Variants in HYDIN observed in about 807,000 individuals in gnomAD.
The protein encoded by HYDIN is axonemal central pair apparatus protein HYDIN.
In HYDIN, 132 loss-of-function variants were observed where a neutral mutation model predicts 403.9. The ratio of observed to expected loss-of-function variants is 0.33; its 90% CI spans 0.28 to 0.38. HYDIN has a LOEUF of 0.38. Ranked by LOEUF, HYDIN falls within the 10% of genes least tolerant of loss-of-function variation. The pLI is 1.00. For missense variants in HYDIN, 2,827 were observed against 5,009.5 expected, an observed-to-expected ratio of 0.56 and a Z score of 13.15; for synonymous variants, 1,202 against 1,891.7, an observed-to-expected ratio of 0.64 and a Z score of 9.46.
chr16:70,906,078 G>T (rs1448215340), intron 50 of HYDIN, among the ~76,000 whole-genome samples: 2 of 150,852 alleles, frequency 1.3e-5, no homozygotes, highest in Admixed American at 1.3e-4. Flanking sequence ...ATTGAATGAA[G>T]ACATGGTGGA....
chr16:70,837,398 A>C (rs1486483580), intron 77 of HYDIN, among the ~76,000 whole-genome samples: 1 of 152,202 alleles, frequency 6.6e-6, no homozygotes, highest in Non-Finnish European at 1.5e-5. Context: ...TGAAAGTCTC[A>C]AATTTCTCCA....
At chr16:71,130,551 A>C (rs1208343546) in intron 8 of HYDIN, among the ~76,000 whole-genome samples, 1 of 136,322 alleles carries the variant, frequency 7.3e-6, no homozygotes, top group Non-Finnish European at 1.5e-5. Context: ...GCAGTGGCGC[A>C]ATCTCGGCTC....
Position 70,850,553 on chromosome 16 carries a change from G to A in HYDIN, c.12546C>T (p.Val4182=). ...CATTCATAGTGTAGCCCTCGGCCTT[G>A]ACATTTAATGTCACAGGGTGGACTT... ...EKKVHPVTLN[V]KAEGYTMNVE... The change falls in exon 74 of 86, where the codon GTC becomes GTT. Residue 4182 remains valine, a synonymous_variant. Coordinates refer to ENST00000393567, the MANE Select transcript of HYDIN (RefSeq NM_001270974.2). 1 of 1,612,846 alleles carries A rather than the reference G, an allele frequency of 6.2e-7. No individual in the cohort carries two copies. The highest frequency in any genetic ancestry group is 8.5e-7 in the Non-Finnish European group (1 of 1,179,584).
intron 10 of HYDIN, among the ~76,000 whole-genome samples, chr16:71,099,010 A>G (rs2083376403): frequency 1.3e-5 from 2 of 150,974 alleles, no homozygotes; most frequent in African/African-American, 4.9e-5. Context: ...AGCATGGAGG[A>G]ACTAGTAAAC....
chr16:70,883,014 G>A, intron 59 of HYDIN, 119 bp from the exon 60 acceptor site: 2 of 766,708 alleles, frequency 2.6e-6, no homozygotes, highest in South Asian at 1.6e-5. Context: ...CATAGGCGAA[G>A]TCATGCAAGG....
intron 41 of HYDIN, among the ~76,000 whole-genome samples, chr16:70,944,597 G>T (rs530596261): frequency 6.6e-6 from 1 of 152,266 alleles, no homozygotes; most frequent in South Asian, 2.1e-4. Context: ...AGTGAGCAAT[G>T]GGGAAGACAG....
chr16:71,221,254 T>C (rs1381527567), intron 1 of HYDIN, among the ~76,000 whole-genome samples: 4 of 136,826 alleles, frequency 2.9e-5, no homozygotes, highest in East Asian at 2.1e-4. Flanking sequence ...GAGAAAGGTA[T>C]AAAGAAAAAA....
At chr16:70,992,625 A>G (rs1232546768) in intron 23 of HYDIN, among the ~76,000 whole-genome samples, 6 of 149,294 alleles carry the variant, frequency 4.0e-5, no homozygotes, top group Admixed American at 2.7e-4. Context: ...TTCACCAGAA[A>G]GCAGGGCTAA....
Position 70,868,790 on chromosome 16 carries a change from T to C in HYDIN, c.11092-2A>G. On this transcript the variant is annotated splice_acceptor_variant, in intron 65 of 85. Coordinates refer to ENST00000393567, the MANE Select transcript of HYDIN (RefSeq NM_001270974.2). LOFTEE classifies it high-confidence loss of function. ...ACACCCAGGGTGGAGGTGGCCCATC[T>C]AGGAAAGAGCCTGGTATTAGTATTT... The C allele has an allele frequency of 6.2e-7, 1 of 1,612,952 alleles. No homozygotes were observed. The highest frequency in any genetic ancestry group is 8.5e-7 in the Non-Finnish European group (1 of 1,179,526).
chr16:70,921,509 T>A (rs1013194086), intron 45 of HYDIN, among the ~76,000 whole-genome samples: 2 of 152,166 alleles, frequency 1.3e-5, no homozygotes, highest in African/African-American at 4.8e-5. Flanking sequence ...GCTGCTGTTC[T>A]GCAGGATCAA....
At chr16:71,201,481 C>G (rs1416620420) in intron 1 of HYDIN, among the ~76,000 whole-genome samples, 2 of 152,188 alleles carry the variant, frequency 1.3e-5, no homozygotes, top group Admixed American at 6.5e-5. Context: ...TCACTCCAAT[C>G]CAGGAGTGGC....
chr16:70,811,677 G>T (rs1399035175), intron 84 of HYDIN, among the ~76,000 whole-genome samples: 28 of 151,274 alleles, frequency 1.9e-4, no homozygotes, highest in Non-Finnish European at 4.4e-5. Flanking sequence ...GACCAACATG[G>T]AGAAACCCCG....
In HYDIN at chr16:70,892,471, G is replaced by T. The variant is rs1328203792; in HGVS notation, c.9307C>A (p.Gln3103Lys). Residue 3103 changes from glutamine (Q) to lysine (K), a missense_variant, in exon 56 of 86, where the codon CAA becomes AAA. Coordinates refer to ENST00000393567, the MANE Select transcript of HYDIN (RefSeq NM_001270974.2). Reference sequence around the variant, plus strand: ...GGGGTCAGTGAACCCTTTTTGGGTTGGACTGAGATCATGGAATTTATATTA... The same window carrying T: ...GGGGTCAGTGAACCCTTTTTGGGTTTGACTGAGATCATGGAATTTATATTA... ...TPNINSMISV[Q>K]PKKGSLTPTE... 10 of 1,596,552 alleles carry T rather than the reference G, an allele frequency of 6.3e-6. No individual in the cohort carries two copies. Among genetic ancestry groups the T allele is most frequent in the South Asian group, 1.1e-5 (1 of 88,078 alleles).
intron 8 of HYDIN, among the ~76,000 whole-genome samples, chr16:71,130,477 T>TC (rs144132102): frequency 1.5e-5 from 2 of 129,446 alleles, no homozygotes; most frequent in African/African-American, 3.0e-5. Context: ...CCGGTTTTTT[T>TC]TTTTTTTTTT....
rs1348678590 is a variant in HYDIN at position 70,862,164 on chromosome 16, T to TGGG, written c.11658_11660dup (p.Pro3887dup). 6.2e-7 allele frequency: 1 copy of TGGG among 1,612,792 alleles called. No homozygotes were observed. The highest frequency in any genetic ancestry group is 1.3e-5 in the African/African-American group (1 of 74,868). On this transcript the variant is annotated inframe_insertion, in exon 69 of 86. Transcript: ENST00000393567. ...AAGAGGGCTCCACAGAGAAGGGCTGTGGGGAACCCTCGGCCCAGTGGTCCA... is the reference window on the plus strand; with the variant it reads ...AAGAGGGCTCCACAGAGAAGGGCTGTGGGGGGGAACCCTCGGCCCAGTGGTCCA...
intron 58 of HYDIN, among the ~76,000 whole-genome samples, chr16:70,888,566 T>G (rs2041284319): frequency 6.6e-6 from 1 of 150,806 alleles, no homozygotes; most frequent in Non-Finnish European, 1.5e-5. Context: ...AGGGGTCCTC[T>G]GACACCATTC....
chr16:71,200,737 C>CT (rs2087959963), intron 1 of HYDIN, among the ~76,000 whole-genome samples: 3 of 152,170 alleles, frequency 2.0e-5, no homozygotes, highest in Non-Finnish European at 2.9e-5. Context: ...GTTCTCTGAA[C>CT]TTTATCAAAT....
At position 71,184,904 on chromosome 16, in the gene HYDIN, G is replaced by A. The variant is rs776913604; in HGVS notation, c.222C>T (p.Ile74=). 1.4e-5 allele frequency: 22 copies of A among 1,609,462 alleles called. No individual in the cohort carries two copies. Among genetic ancestry groups the A allele is most frequent in the African/African-American group, 2.7e-5 (2 of 74,746 alleles). ...TTTCCCCCATATCTAAGAGTTCGAT[G>A]ATCTGTGGTCGGCACATCAAACGTG... The part of the protein sequence containing the change: ...AKTRLMCRPQ[I]IELLDMGETT... Residue 74 remains isoleucine (I), a synonymous_variant, in exon 3 of 86, where the codon ATC becomes ATT. Transcript: ENST00000393567.
intron 47 of HYDIN, among the ~76,000 whole-genome samples, chr16:70,914,322 T>C (rs2076777409): frequency 6.6e-6 from 1 of 152,222 alleles, no homozygotes; most frequent in Non-Finnish European, 1.5e-5. Context: ...GTTCTTATAA[T>C]ACTGGCTTGG....
Sources: allele counts gnomAD v4.1 joint callset (sites outside exome capture counted in the v4.1 genomes callset), GRCh38; gene constraint gnomAD v4.1.1; transcripts MANE v1.5; gene names NCBI Gene and HGNC (gene_info 2026-07-23, HGNC 2026-07-21).